FOXP4: variants seen among roughly 807,000 people sequenced by gnomAD.
FOXP4 encodes forkhead box P4.
Under a neutral mutation model 82.6 loss-of-function variants are expected in FOXP4, and 25 were observed. The ratio of observed to expected loss-of-function variants is 0.30; its 90% CI spans 0.22 to 0.42. The LOEUF (loss-of-function observed/expected upper bound fraction) is 0.42. Ranked by LOEUF, FOXP4 falls within the 10% of genes least tolerant of loss-of-function variation. FOXP4 has a pLI of 1.00. For synonymous variants in FOXP4, 415 were observed against 388.2 expected (o/e 1.07, Z -0.81); for missense variants, 785 against 900.9 (o/e 0.87, Z 1.65).
At chr6:41,548,964 C>T (rs1285942024) in intron 1 of FOXP4, among the ~76,000 whole-genome samples, 2 of 151,600 alleles carry the variant, frequency 1.3e-5, no homozygotes, top group African/African-American at 4.9e-5. Context: ...GGTGCCCTTT[C>T]GATCTGAAAC....
intron 1 of FOXP4, among the ~76,000 whole-genome samples, chr6:41,563,959 C>G (rs909674020): frequency 2.0e-4 from 30 of 152,108 alleles, no homozygotes; most frequent in Admixed American, 2.6e-4. Flanking sequence ...TGGAACCAAT[C>G]CCCCATAGGT....
intron 1 of FOXP4, among the ~76,000 whole-genome samples, chr6:41,556,660 TTG>T (rs1764296854): frequency 6.6e-6 from 1 of 152,106 alleles, no homozygotes; most frequent in Non-Finnish European, 1.5e-5. Flanking sequence ...TATTCACAAA[TTG>T]TGTGCCGAGG....
At chr6:41,572,437 G>A (rs1290237813) in intron 2 of FOXP4, among the ~76,000 whole-genome samples, 3 of 152,210 alleles carry the variant, frequency 2.0e-5, no homozygotes, top group African/African-American at 4.8e-5. Context: ...CAGTACTGAG[G>A]ACACTGTGAG....
In FOXP4 at chr6:41,593,669, T is replaced by C. The variant is rs1487381450; in HGVS notation, c.1537-1201T>C. On this transcript the variant is annotated intron_variant, in intron 13 of 16. Transcript: ENST00000307972. This position sits in a 1 kb window ranked among gnomAD's most constrained non-coding sequence, Gnocchi z 4.1. ...GGAGCCCCGGCGTGATTAGGCCCTT[T>C]GTAATTATCGCTCCAAGAGATTCCA... Among the ~76,000 whole-genome samples, 1 of 152,164 alleles carries C rather than the reference T, an allele frequency of 6.6e-6. No individual in the cohort carries two copies. The highest frequency in any genetic ancestry group is 2.4e-5 in the African/African-American group (1 of 41,416).
intron 2 of FOXP4, among the ~76,000 whole-genome samples, chr6:41,571,194 CAG>C (rs2127361073): frequency 6.6e-6 from 1 of 152,182 alleles, no homozygotes; most frequent in East Asian, 1.9e-4. Flanking sequence ...TGCTGGAGGT[CAG>C]AGAGTTCCTT....
intron 16 of FOXP4, 33 bp from the exon 17 acceptor site, chr6:41,598,756 C>A: frequency 6.5e-7 from 1 of 1,549,474 alleles, no homozygotes; most frequent in East Asian, 2.4e-5. Context: ...CAGAGGACAG[C>A]CGCCTGGTGC....
intron 16 of FOXP4, among the ~76,000 whole-genome samples, chr6:41,598,363 C>T (rs1371195379): frequency 5.4e-5 from 8 of 148,486 alleles, no homozygotes; most frequent in Admixed American, 5.3e-4. Context: ...ATTATAGGTG[C>T]CTGCCACCAT....
At chr6:41,550,620 G>A (rs1581693330) in intron 1 of FOXP4, among the ~76,000 whole-genome samples, 1 of 152,240 alleles carries the variant, frequency 6.6e-6, no homozygotes, top group South Asian at 2.1e-4. Flanking sequence ...GATGGGAGGA[G>A]CTGCCATTCC....
At chr6:41,573,310 G>A (rs1014757370) in intron 2 of FOXP4, among the ~76,000 whole-genome samples, 2 of 152,238 alleles carry the variant, frequency 1.3e-5, no homozygotes, top group South Asian at 4.2e-4. Context: ...CTGGAGGGGA[G>A]AGAGAGACCC....
rs182822109 is a variant in FOXP4 at position 41,582,145 on chromosome 6, C to T, written c.301-2624C>T. Among the ~76,000 whole-genome samples the T allele has an allele frequency of 1.7e-4, 26 of 152,306 alleles. 1 individual carries two copies. Among genetic ancestry groups the T allele is most frequent in the Admixed American group, 2.6e-4 (4 of 15,302 alleles). ...ATGTTTTAAAAAGTGATTTTCTTCA[C>T]GTTTACATAGAATTTAATGGCGTAC... On this transcript the variant is annotated intron_variant, in intron 3 of 16. Coordinates refer to ENST00000307972, the MANE Select transcript of FOXP4 (RefSeq NM_001012426.2).
intron 2 of FOXP4, among the ~76,000 whole-genome samples, chr6:41,566,662 T>C (rs944649978): frequency 1.3e-5 from 2 of 152,220 alleles, no homozygotes; most frequent in Non-Finnish European, 2.9e-5. Context: ...TCTCATGTCC[T>C]GGTCCCACCT....
chr6:41,586,931 G>T, intron 5 of FOXP4, 78 bp from the exon 6 acceptor site: 1 of 1,481,196 alleles, frequency 6.8e-7, no homozygotes, highest in Admixed American at 2.3e-5. Context: ...GGAGGGGGTG[G>T]CCGCGGGGTG....
At chr6:41,585,347 G>T in intron 4 of FOXP4, 84 bp from the exon 5 acceptor site, 1 of 1,377,704 alleles carries the variant, frequency 7.3e-7, no homozygotes, top group Non-Finnish European at 1.0e-6. Flanking sequence ...CCCTTCTCCT[G>T]CCCCCAGGAG....
intron 3 of FOXP4, 41 bp downstream of exon 3, chr6:41,578,122 AGT>A (rs1469846673): frequency 1.3e-6 from 2 of 1,557,322 alleles, no homozygotes; most frequent in African/African-American, 2.7e-5. Context: ...GTTGGGCTGG[AGT>A]GTGGGCCTGG....
chr6:41,582,890 G>A (rs1046903253), intron 3 of FOXP4, among the ~76,000 whole-genome samples: 1 of 152,168 alleles, frequency 6.6e-6, no homozygotes, highest in Non-Finnish European at 1.5e-5. Flanking sequence ...CTGCCCTGCG[G>A]TGGGGCAGGC....
At chr6:41,561,068 C>T (rs1033262750) in intron 1 of FOXP4, among the ~76,000 whole-genome samples, 1 of 152,228 alleles carries the variant, frequency 6.6e-6, no homozygotes, top group Non-Finnish European at 1.5e-5. Flanking sequence ...TTTGAAGAGC[C>T]AGGAGCCTCC....
chr6:41,589,725 C>G (rs1206903295), intron 9 of FOXP4, 46 bp from the exon 10 acceptor site: 11 of 1,587,720 alleles, frequency 6.9e-6, no homozygotes, highest in Non-Finnish European at 9.5e-6. Context: ...ACACTGCCTC[C>G]AGGGTTCAGC....
At chr6:41,579,073 G>A (rs1359056399) in intron 3 of FOXP4, among the ~76,000 whole-genome samples, 1 of 152,052 alleles carries the variant, frequency 6.6e-6, no homozygotes, top group Non-Finnish European at 1.5e-5. Context: ...CTTTGTCCTG[G>A]GTGGAGATTC....
At chr6:41,584,704 C>CA in intron 3 of FOXP4, 65 bp from the exon 4 acceptor site, 1 of 1,503,590 alleles carries the variant, frequency 6.7e-7, no homozygotes. Flanking sequence ...GAGAGTGGGG[C>CA]CCTGGGTGGT....
Sources: gnomAD v4.1 joint callset for allele counts (sites outside exome capture counted in the v4.1 genomes callset) on GRCh38, gnomAD v4.1.1 for gene constraint, Gnocchi (gnomAD v3.1) non-coding constraint, MANE v1.5 for transcripts, NCBI Gene and HGNC (gene_info 2026-07-23, HGNC 2026-07-21) for gene names.